HLTF: variants seen among roughly 807,000 people sequenced by gnomAD.
HLTF encodes the protein DNA-dependent ATPase/E3 ubiquitin-protein ligase HLTF.
A neutral mutation model predicts 129.4 loss-of-function variants in HLTF; 127 were observed. The observed-to-expected ratio is 0.98, with a 90% CI of 0.85 to 1.14. The LOEUF is 1.14. Ranked by LOEUF, HLTF falls within the 50% of genes most tolerant of loss-of-function variation. The pLI, the probability that HLTF is intolerant of heterozygous loss-of-function variation, is 0.00. For missense variants in HLTF, 1,139 were observed against 1,187.1 expected (o/e 0.96, Z 0.60); for synonymous variants, 332 against 388.8 (o/e 0.85, Z 1.72).
At chr3:149,075,681 G>A (rs1442967990) in intron 3 of HLTF, among the ~76,000 whole-genome samples, 200 bp downstream of exon 3, 2 of 152,124 alleles carry the variant, frequency 1.3e-5, no homozygotes, top group African/African-American at 4.8e-5. Flanking sequence ...AATTCCATAG[G>A]AAAATGAGAG....
At chr3:149,036,376 C>T (rs186720721) in intron 23 of HLTF, among the ~76,000 whole-genome samples, 5,329 of 138,638 alleles carry the variant, frequency 0.038, 140 homozygotes, top group Middle Eastern at 0.06. Flanking sequence ...GCAACCTCCA[C>T]CTCCTGGGTT....
intron 10 of HLTF, among the ~76,000 whole-genome samples, chr3:149,062,311 T>A (rs1295190592): frequency 6.6e-6 from 1 of 152,222 alleles, no homozygotes; most frequent in African/African-American, 2.4e-5. Context: ...AACAGTGTTG[T>A]GTTACCCAGG....
At chr3:149,063,829 A>G (rs1412913873) in intron 9 of HLTF, among the ~76,000 whole-genome samples, 2 of 152,106 alleles carry the variant, frequency 1.3e-5, no homozygotes, top group Non-Finnish European at 2.9e-5. Flanking sequence ...AATCAACAGA[A>G]CCACAAATAG....
intron 3 of HLTF, 123 bp downstream of exon 3, chr3:149,075,758 G>A (rs1053150276): frequency 1.3e-5 from 7 of 528,958 alleles, no homozygotes; most frequent in East Asian, 3.1e-5. Flanking sequence ...TATTTAACAC[G>A]TACCAAAAGT....
chr3:149,061,759 C>G (rs149762869), intron 10 of HLTF, among the ~76,000 whole-genome samples: 11 of 151,336 alleles, frequency 7.3e-5, no homozygotes, highest in East Asian at 5.8e-4. Flanking sequence ...TTGCTTGAAC[C>G]CGGGAGGCAG....
intron 23 of HLTF, among the ~76,000 whole-genome samples, chr3:149,037,297 C>T (rs1248207021): frequency 6.6e-6 from 1 of 151,692 alleles, no homozygotes; most frequent in Non-Finnish European, 1.5e-5. Flanking sequence ...GGTAAAACCC[C>T]GTCTCTACTA....
intron 2 of HLTF, among the ~76,000 whole-genome samples, chr3:149,082,840 T>C (rs1280726738): frequency 6.6e-6 from 1 of 152,240 alleles, no homozygotes; most frequent in Non-Finnish European, 1.5e-5. Context: ...CTCATTTTTA[T>C]TAATACATAA....
At chr3:149,073,406 T>G in intron 4 of HLTF, 84 bp from the exon 5 acceptor site, 7 of 922,328 alleles carry the variant, frequency 7.6e-6, no homozygotes, top group Non-Finnish European at 1.2e-5. Flanking sequence ...AAATATGCAT[T>G]AACAGGGCTG....
Position 149,048,159 on chromosome 3 carries a change from A to G in HLTF, c.1761T>C (p.Thr587=), listed in dbSNP as rs141642660. The change falls in exon 17 of 25, where the codon ACT becomes ACC. Residue 587 remains threonine (T), a synonymous_variant. Coordinates refer to ENST00000310053, the MANE Select transcript of HLTF (RefSeq NM_003071.4). The part of the protein sequence containing the change: ...ESERRWVLTG[T]PIQNSLKDLW... Reference sequence around the variant, plus strand: ...AGTCCTTTAAAGAATTCTGGATTGGAGTACCTAGAAATAACAGGAAACTGT... The same window carrying G: ...AGTCCTTTAAAGAATTCTGGATTGGGGTACCTAGAAATAACAGGAAACTGT... 1.2e-6 allele frequency: 2 copies of G among 1,604,100 alleles called. No homozygotes were observed. Among genetic ancestry groups the G allele is most frequent in the African/African-American group, 1.3e-5 (1 of 74,192 alleles).
intron 5 of HLTF, 24 bp from the exon 6 acceptor site, chr3:149,071,681 C>CA (rs1718875956): frequency 7.7e-7 from 1 of 1,305,242 alleles, no homozygotes; most frequent in Non-Finnish European, 1.1e-6. Context: ...CAACAAGAAA[C>CA]AATGTAAAAC....
chr3:149,084,743 T>A lies in HLTF; in HGVS notation c.167A>T (p.Asp56Val). ...TCTCAAACTTCCAAATAAAACGGAA[T>A]CTACTTCTTCATCACTAGTTAGAAA... ...DDFLTSDEEV[D>V]SVLFGSLRGH... The change falls in exon 2 of 25, where the codon GAT (aspartate) becomes GTT (valine). Residue 56 changes from aspartate to valine, a missense_variant. By Grantham distance (152) the Asp-to-Val change is radical. Transcript: ENST00000310053. 6.2e-7 allele frequency: 1 copy of A among 1,614,074 alleles called. No individual in the cohort carries two copies. The highest frequency in any genetic ancestry group is 8.5e-7 in the Non-Finnish European group (1 of 1,179,950).
intron 14 of HLTF, among the ~76,000 whole-genome samples, chr3:149,053,517 T>C (rs1364770979): frequency 6.6e-6 from 1 of 152,214 alleles, no homozygotes; most frequent in Non-Finnish European, 1.5e-5. Context: ...CAGAAGCAGA[T>C]GCCAGCACGA....
intron 2 of HLTF, among the ~76,000 whole-genome samples, chr3:149,078,114 A>T (rs1719539939): frequency 6.6e-6 from 1 of 152,248 alleles, no homozygotes; most frequent in African/African-American, 2.4e-5. Context: ...TTTTTCAAGA[A>T]AAAAAGTACA....
chr3:149,043,136 A>C (rs1716264073), intron 18 of HLTF, among the ~76,000 whole-genome samples: 1 of 152,028 alleles, frequency 6.6e-6, no homozygotes, highest in African/African-American at 2.4e-5. Context: ...AGAGCTTTGA[A>C]AAAATATGGC....
intron 5 of HLTF, among the ~76,000 whole-genome samples, chr3:149,072,262 T>C (rs1368520477): frequency 6.6e-6 from 1 of 152,142 alleles, no homozygotes; most frequent in Non-Finnish European, 1.5e-5. Flanking sequence ...ATATGTAAGT[T>C]TCAGCAAGAC....
chr3:149,061,447 T>TAAAA (rs1423653098), intron 10 of HLTF, among the ~76,000 whole-genome samples: 2 of 148,530 alleles, frequency 1.3e-5, no homozygotes, highest in Admixed American at 6.6e-5. Flanking sequence ...ATAAAATAAA[T>TAAAA]TTGAAAAACT....
intron 13 of HLTF, among the ~76,000 whole-genome samples, chr3:149,056,937 G>A (rs1439129580): frequency 1.3e-5 from 2 of 150,176 alleles, no homozygotes; most frequent in Non-Finnish European, 3.0e-5. Flanking sequence ...GTGAAACCCC[G>A]TCTCTACTAA....
intron 9 of HLTF, 95 bp downstream of exon 9, chr3:149,064,696 A>G (rs1039385182): frequency 2.5e-6 from 2 of 813,154 alleles, no homozygotes; most frequent in Admixed American, 1.9e-5. Context: ...TAGAATTACA[A>G]TATTAGGCTG....
At chr3:149,049,171 C>T (rs145965013) in intron 15 of HLTF, among the ~76,000 whole-genome samples, 170 bp from the exon 16 acceptor site, 2,072 of 152,226 alleles carry the variant, frequency 0.014, 25 homozygotes, top group South Asian at 0.029. Flanking sequence ...AAAATAAGTA[C>T]TTATTAGCAC....
Sources: allele counts gnomAD v4.1 joint callset (sites outside exome capture counted in the v4.1 genomes callset), GRCh38; gene constraint gnomAD v4.1.1; transcripts MANE v1.5; gene names NCBI Gene and HGNC (gene_info 2026-07-23, HGNC 2026-07-21).